PRR16: variants seen among roughly 807,000 people sequenced by gnomAD.
PRR16 encodes protein Largen.
Under a neutral mutation model 18.2 loss-of-function variants are expected in PRR16, and 6 were observed. The ratio of observed to expected loss-of-function variants is 0.33; its 90% confidence interval spans 0.18 to 0.65. PRR16 has a LOEUF of 0.65. PRR16 is among the 30% of genes least tolerant of loss of function. The probability of loss-of-function intolerance (pLI) is 0.74; values close to 1 mark genes in which losing one functional copy is unlikely to be tolerated. For missense variants in PRR16, 412 were observed against 376.6 expected (o/e 1.09, Z -0.78); for synonymous variants, 151 against 147.8 (o/e 1.02, Z -0.16).
At chr5:120,792,668 A>G in the PRR16 span, among the ~76,000 whole-genome samples, 1 of 152,162 alleles carries the variant, frequency 6.6e-6, no homozygotes, top group African/African-American at 2.4e-5. Flanking sequence ...ATGTTTACTT[A>G]GGTAAGATAA....
chr5:120,540,812 G>A (rs1048471437), intron 1 of PRR16, among the ~76,000 whole-genome samples: 1 of 152,070 alleles, frequency 6.6e-6, no homozygotes, highest in African/African-American at 2.4e-5. Context: ...CCACAGAATA[G>A]ATCAACACTC....
At chr5:120,743,830 T>C in the PRR16 span, among the ~76,000 whole-genome samples, 30 of 152,278 alleles carry the variant, frequency 2.0e-4, no homozygotes, top group Admixed American at 1.1e-3. Flanking sequence ...TTTGCTTTAA[T>C]CACTTTATTT....
chr5:120,569,895 G>T, intron 1 of PRR16, among the ~76,000 whole-genome samples: 1 of 152,056 alleles, frequency 6.6e-6, no homozygotes, highest in Non-Finnish European at 1.5e-5. Context: ...AATGAAATAA[G>T]TAACATAATC....
intron 1 of PRR16, among the ~76,000 whole-genome samples, chr5:120,587,298 A>G (rs915582704): frequency 2.0e-5 from 3 of 152,222 alleles, no homozygotes; most frequent in South Asian, 2.1e-4. Context: ...AAGACCTAAG[A>G]TAATTGATTA....
At chr5:120,486,561 A>T (rs572812435) in intron 1 of PRR16, among the ~76,000 whole-genome samples, 25 of 152,068 alleles carry the variant, frequency 1.6e-4, no homozygotes, top group Non-Finnish European at 3.7e-4. Flanking sequence ...TTGTCAGATG[A>T]GTAGATTGCA....
intron 1 of PRR16, among the ~76,000 whole-genome samples, chr5:120,567,887 AAT>A (rs1752786264): frequency 6.6e-6 from 1 of 152,158 alleles, no homozygotes; most frequent in Admixed American, 6.5e-5. Flanking sequence ...AGAACAGACT[AAT>A]ACATACATGA....
chr5:120,787,744 CTT>C, the PRR16 span, among the ~76,000 whole-genome samples: 1 of 152,046 alleles, frequency 6.6e-6, no homozygotes, highest in Non-Finnish European at 1.5e-5. Flanking sequence ...TTCGCCATGT[CTT>C]TACTGAAAAT....
intron 1 of PRR16, among the ~76,000 whole-genome samples, chr5:120,651,147 T>C (rs1332371996): frequency 1.3e-5 from 2 of 152,136 alleles, no homozygotes; most frequent in African/African-American, 4.8e-5. Context: ...TGTCTGTTCA[T>C]ATCCTTCGCC....
the PRR16 span, among the ~76,000 whole-genome samples, chr5:120,764,327 C>CATCTTTTCAGTCTCTTGATGTA: frequency 1.3e-5 from 2 of 151,562 alleles, no homozygotes; most frequent in Non-Finnish European, 3.0e-5. Flanking sequence ...CATATGTTTT[C>CATCTTTTCAGTCTCTTGATGTA]ATCTTTTCAG....
chr5:120,609,078 A>G, intron 1 of PRR16, among the ~76,000 whole-genome samples: 1 of 151,454 alleles, frequency 6.6e-6, no homozygotes, highest in East Asian at 1.9e-4. Flanking sequence ...TCATAAGAAG[A>G]GATGTTCTTT....
intron 1 of PRR16, among the ~76,000 whole-genome samples, chr5:120,672,738 G>A (rs1756654415): frequency 6.6e-6 from 1 of 152,112 alleles, no homozygotes; most frequent in African/African-American, 2.4e-5. Flanking sequence ...AATTAAAATA[G>A]ACAACTTGAG....
chr5:120,509,378 A>G (rs1029838823), intron 1 of PRR16, among the ~76,000 whole-genome samples: 3 of 152,140 alleles, frequency 2.0e-5, no homozygotes, highest in African/African-American at 7.2e-5. Flanking sequence ...TGAGGCCACC[A>G]GAAAAAGGAT....
the PRR16 span, among the ~76,000 whole-genome samples, chr5:120,786,404 A>C: frequency 6.6e-6 from 1 of 151,694 alleles, no homozygotes; most frequent in African/African-American, 2.4e-5. Flanking sequence ...TGCTTTTAAC[A>C]GTCAGGAGAA....
At chr5:120,743,902 C>T in the PRR16 span, among the ~76,000 whole-genome samples, 1 of 151,718 alleles carries the variant, frequency 6.6e-6, no homozygotes, top group Non-Finnish European at 1.5e-5. Flanking sequence ...TCATTTTTAC[C>T]TATTATTTTC....
the PRR16 span, among the ~76,000 whole-genome samples, chr5:120,762,991 C>G: frequency 6.6e-6 from 1 of 152,018 alleles, no homozygotes; most frequent in Non-Finnish European, 1.5e-5. Context: ...ATATGAATAT[C>G]CAGTTTTCCC....
the PRR16 span, among the ~76,000 whole-genome samples, chr5:120,770,222 T>C: frequency 6.8e-6 from 1 of 147,834 alleles, no homozygotes; most frequent in Non-Finnish European, 1.5e-5. Context: ...TAATTAAAAC[T>C]CTATAGCACT....
At chr5:120,556,843 G>C (rs144190505) in intron 1 of PRR16, among the ~76,000 whole-genome samples, 3 of 151,620 alleles carry the variant, frequency 2.0e-5, no homozygotes, top group African/African-American at 7.3e-5. Flanking sequence ...TGGAATCCTT[G>C]CTTACTTGCC....
chr5:120,719,667 AG>A, the PRR16 span, among the ~76,000 whole-genome samples: 1 of 152,104 alleles, frequency 6.6e-6, no homozygotes, highest in Non-Finnish European at 1.5e-5. Flanking sequence ...AGGTAAAACT[AG>A]AAAAATAGCA....
Position 120,616,618 on chromosome 5 carries a change from G to A in PRR16, c.160-69336G>A, listed in dbSNP as rs546827443. Among the ~76,000 whole-genome samples, 39 of 152,164 alleles carry A rather than the reference G, an allele frequency of 2.6e-4. No homozygotes were observed. The South Asian group carries it at 5.6e-3, about 22-fold the overall frequency. On this transcript the variant is annotated intron_variant, in intron 1 of 1. Coordinates refer to ENST00000407149, the MANE Select transcript of PRR16 (RefSeq NM_001300783.2). ...TACTCTATACTACCACATTAGTTGC[G>A]TGTTTATATCCGTTTCTGTGATATG...
Sources: allele counts gnomAD v4.1 joint callset (sites outside exome capture counted in the v4.1 genomes callset), GRCh38; gene constraint gnomAD v4.1.1; transcripts MANE v1.5; gene names NCBI Gene and HGNC (gene_info 2026-07-23, HGNC 2026-07-21).